FAS: variants seen among roughly 807,000 people sequenced by gnomAD.
The protein encoded by FAS is Fas cell surface death receptor.
A neutral mutation model predicts 33.2 loss-of-function variants in FAS; 5 were observed. The ratio of observed to expected loss-of-function variants is 0.15; its 90% CI spans 0.08 to 0.32. The LOEUF (loss-of-function observed/expected upper bound fraction) is 0.32, where lower values mean the gene tolerates loss of function less well. Among genes scored for constraint, FAS ranks in the 10% least tolerant of loss-of-function variants. The probability of loss-of-function intolerance (pLI) is 1.00; values close to 1 mark genes in which losing one functional copy is unlikely to be tolerated. For synonymous variants in FAS, 131 were observed against 130.7 expected, an observed-to-expected ratio of 1.00 and a Z score of -0.01; for missense variants, 339 against 386.0, an observed-to-expected ratio of 0.88 and a Z score of 1.02.
upstream of FAS, among the ~76,000 whole-genome samples, chr10:88,984,424 T>G (rs1846812805): frequency 6.6e-6 from 1 of 152,182 alleles, no homozygotes; most frequent in Non-Finnish European, 1.5e-5. Context: ...CCCACAGTCA[T>G]GAAGGGCCTT....
At chr10:88,998,132 G>A (rs1847706649) in intron 1 of FAS, among the ~76,000 whole-genome samples, 1 of 152,180 alleles carries the variant, frequency 6.6e-6, no homozygotes, top group African/African-American at 2.4e-5. Context: ...TACAGTTTTG[G>A]GGGCTAGAAG....
intron 1 of FAS, among the ~76,000 whole-genome samples, chr10:88,998,910 C>T (rs1393113582): frequency 1.3e-5 from 2 of 152,108 alleles, no homozygotes; most frequent in Admixed American, 1.3e-4. Flanking sequence ...AATCCCAACA[C>T]TTTGGGAGGC....
intron 8 of FAS, 98 bp from the exon 9 acceptor site, chr10:89,014,021 A>G: frequency 8.0e-7 from 1 of 1,242,550 alleles, no homozygotes; most frequent in Non-Finnish European, 1.1e-6. Flanking sequence ...GGACTTAGCT[A>G]TATTCTGAAG....
At chr10:89,013,251 C>G in intron 7 of FAS, 92 bp from the exon 8 acceptor site, 1 of 1,275,464 alleles carries the variant, frequency 7.8e-7, no homozygotes, top group South Asian at 1.3e-5. Flanking sequence ...GTACTTCTTT[C>G]TGAATTAAGG....
At chr10:88,972,757 C>A (rs748575918) in intron 1 of FAS, among the ~76,000 whole-genome samples, 4 of 152,168 alleles carry the variant, frequency 2.6e-5, no homozygotes, top group Non-Finnish European at 5.9e-5. Context: ...AAGCCTCATA[C>A]AATGGTATGA....
chr10:88,995,066 T>C (rs1847505531), intron 1 of FAS, among the ~76,000 whole-genome samples: 2 of 145,224 alleles, frequency 1.4e-5, no homozygotes. Context: ...ATAGCCTTAG[T>C]GTGTAGTTTT....
chr10:88,986,964 T>C (rs921570486), upstream of FAS, among the ~76,000 whole-genome samples: 4 of 152,254 alleles, frequency 2.6e-5, no homozygotes, highest in South Asian at 4.1e-4. Flanking sequence ...TTTAATCCTG[T>C]AGGAAATAAT....
intron 1 of FAS, among the ~76,000 whole-genome samples, chr10:88,968,602 A>T (rs1846365627): frequency 6.6e-6 from 1 of 152,172 alleles, no homozygotes; most frequent in Admixed American, 6.6e-5. Flanking sequence ...AGAGAAGTGG[A>T]TGTAGGCAAT....
At chr10:89,010,692 C>T (rs1344549565) in intron 5 of FAS, 61 bp from the exon 6 acceptor site, 2 of 1,609,158 alleles carry the variant, frequency 1.2e-6, no homozygotes, top group South Asian at 1.1e-5. Flanking sequence ...CTAGAAAGTC[C>T]TTTATTTAAT....
At chr10:88,988,990 G>A (rs1303317866), upstream of FAS, among the ~76,000 whole-genome samples, 11 of 152,190 alleles carry the variant, frequency 7.2e-5, no homozygotes, top group South Asian at 2.1e-3. Flanking sequence ...AGAGGGTAGG[G>A]GAAGGGGGTA....
chr10:88,980,158 A>G (rs1846674927), intron 2 of FAS, among the ~76,000 whole-genome samples: 1 of 152,212 alleles, frequency 6.6e-6, no homozygotes, highest in African/African-American at 2.4e-5. Flanking sequence ...GAAATAGTTC[A>G]GTTTTAGGCA....
Position 89,007,689 on chromosome 10 carries a change from T to A in FAS, c.197-11T>A, listed in dbSNP as rs187793393. 1.9e-6 allele frequency: 3 copies of A among 1,613,664 alleles called. No individual in the cohort carries two copies. Among genetic ancestry groups the A allele is most frequent in the East Asian group, 4.5e-5 (2 of 44,880 alleles). ...CCTGTTCAAACACTTGCTCCTTTTT[T>A]CCTTGGGCAGGTGAAAGGAAAGCTA... On this transcript the variant is annotated splice_polypyrimidine_tract_variant and intron_variant, in intron 2 of 8. Transcript: ENST00000652046.
chr10:88,984,676 T>C (rs1226831560), upstream of FAS, among the ~76,000 whole-genome samples: 1 of 151,662 alleles, frequency 6.6e-6, no homozygotes, highest in Non-Finnish European at 1.5e-5. Context: ...CTTGACTTCT[T>C]ATGTTTAGTT....
chr10:88,978,802 T>C (rs1018372580), intron 2 of FAS, among the ~76,000 whole-genome samples: 3 of 152,178 alleles, frequency 2.0e-5, no homozygotes, highest in Admixed American at 6.5e-5. Flanking sequence ...CGTCTAATGG[T>C]AATTTCTCCA....
intron 1 of FAS, among the ~76,000 whole-genome samples, chr10:88,993,305 A>T (rs1280625622): frequency 1.3e-5 from 2 of 148,904 alleles, no homozygotes; most frequent in South Asian, 2.1e-4. Flanking sequence ...TGTGGGTTGC[A>T]TTTTTTTTTT....
chr10:88,986,259 C>T (rs1406502427), upstream of FAS, among the ~76,000 whole-genome samples: 3 of 152,232 alleles, frequency 2.0e-5, no homozygotes, highest in South Asian at 2.1e-4. Context: ...GTTCTTAACA[C>T]CCAGGGGGTA....
At chr10:89,006,942 A>G (rs1266336608) in intron 2 of FAS, among the ~76,000 whole-genome samples, 1 of 152,236 alleles carries the variant, frequency 6.6e-6, no homozygotes, top group African/African-American at 2.4e-5. Flanking sequence ...TTTTTAAGAT[A>G]ACAAGCCTGA....
intron 2 of FAS, among the ~76,000 whole-genome samples, chr10:88,976,479 A>C (rs552791970): frequency 4.6e-5 from 7 of 152,240 alleles, no homozygotes; most frequent in African/African-American, 1.7e-4. Flanking sequence ...AAATTAGTAC[A>C]TTAATTACAT....
intron 3 of FAS, among the ~76,000 whole-genome samples, chr10:89,008,294 T>G (rs972595018): frequency 2.0e-5 from 3 of 152,168 alleles, no homozygotes; most frequent in Non-Finnish European, 4.4e-5. Flanking sequence ...TTCATGGATA[T>G]CTCAATGTAT....
Sources: gnomAD v4.1 joint callset for allele counts (sites outside exome capture counted in the v4.1 genomes callset) on GRCh38, gnomAD v4.1.1 for gene constraint, MANE v1.5 for transcripts, NCBI Gene and HGNC (gene_info 2026-07-23, HGNC 2026-07-21) for gene names.